The following TMEM132C variants were observed in gnomAD, a reference collection of about 807,000 sequenced individuals.
TMEM132C encodes protein phosphatase 1, regulatory subunit 152.
In TMEM132C, 29 loss-of-function variants were observed where a neutral mutation model predicts 61.4. The observed-to-expected ratio is 0.47, with a 90% CI of 0.35 to 0.64. The LOEUF (loss-of-function observed/expected upper bound fraction) is 0.64. TMEM132C is among the 30% of genes least tolerant of loss of function. The pLI, the probability that TMEM132C is intolerant of heterozygous loss-of-function variation, is 0.00. For missense variants in TMEM132C, 1,408 were observed against 1,476.9 expected, an observed-to-expected ratio of 0.95 and a Z score of 0.76; for synonymous variants, 656 against 633.1, an observed-to-expected ratio of 1.04 and a Z score of -0.54.
In TMEM132C at chr12:128,705,473, C is replaced by G; in HGVS notation, c.2505C>G (p.Gly835=). The G allele has an allele frequency of 6.4e-7, 1 of 1,551,174 alleles. No individual in the cohort carries two copies. The highest frequency in any genetic ancestry group is 1.4e-5 in the African/African-American group (1 of 73,168). Reference sequence around the variant, plus strand: ...AGGGCCAGCACCATGAGCGCACAGGCCAAGATGGGCACCTCTATGGCAGCT... The same window carrying G: ...AGGGCCAGCACCATGAGCGCACAGGGCAAGATGGGCACCTCTATGGCAGCT... ...RQKGQHHERT[G]QDGHLYGSSP... Residue 835 remains glycine (G), a synonymous_variant, in exon 9 of 9, where the codon GGC becomes GGG. Transcript: ENST00000435159.
chr12:128,368,035 T>C (rs1593027396), intron 1 of TMEM132C, among the ~76,000 whole-genome samples: 1 of 152,214 alleles, frequency 6.6e-6, no homozygotes, highest in Non-Finnish European at 1.5e-5. Flanking sequence ...TCTGGCTTTA[T>C]ACATGGCAAC....
At chr12:128,475,438 G>A (rs1046438546) in intron 2 of TMEM132C, among the ~76,000 whole-genome samples, 2 of 152,020 alleles carry the variant, frequency 1.3e-5, no homozygotes, top group South Asian at 2.1e-4. Flanking sequence ...ACTGGCATGC[G>A]GTTGCACTTG....
chr12:128,420,802 G>T (rs1305285313), intron 2 of TMEM132C, among the ~76,000 whole-genome samples: 2 of 152,172 alleles, frequency 1.3e-5, no homozygotes, highest in Non-Finnish European at 2.9e-5. Context: ...GTGATGGAAA[G>T]CCTGTGGGAG....
intron 2 of TMEM132C, among the ~76,000 whole-genome samples, chr12:128,460,764 T>A (rs1870505018): frequency 2.0e-5 from 3 of 152,180 alleles, no homozygotes; most frequent in African/African-American, 4.8e-5. Flanking sequence ...CCTCCTGTCC[T>A]AACCCGCAGG....
intron 3 of TMEM132C, among the ~76,000 whole-genome samples, chr12:128,547,648 CTG>C (rs1002989221): frequency 1.3e-5 from 2 of 151,900 alleles, no homozygotes; most frequent in African/African-American, 4.8e-5. Flanking sequence ...GAAGCTGCAA[CTG>C]TGTTTTCAGA....
chr12:128,282,796 G>C (rs1870940226), intron 1 of TMEM132C, among the ~76,000 whole-genome samples: 1 of 152,134 alleles, frequency 6.6e-6, no homozygotes, highest in Admixed American at 6.5e-5. Context: ...GTTATTTTGT[G>C]ACACGTCTCT....
chr12:128,631,820 A>G lies in TMEM132C; in HGVS notation c.1305+15485A>G, dbSNP rs1284853426. 2.6e-5 allele frequency among the ~76,000 whole-genome samples: 4 copies of G among 152,276 alleles called. No homozygotes were observed. In the South Asian group the frequency reaches 8.3e-4, roughly 32 times the overall value. On this transcript the variant is annotated intron_variant, in intron 4 of 8. Coordinates refer to ENST00000435159, the MANE Select transcript of TMEM132C (RefSeq NM_001136103.3). ...GGCATCCAAGCAATTTCTCATCCCC[A>G]GTAAAAAGTCTGCCTCTTTACCAAG...
intron 1 of TMEM132C, among the ~76,000 whole-genome samples, chr12:128,312,462 C>T (rs1447697553): frequency 1.3e-5 from 2 of 152,144 alleles, no homozygotes; most frequent in Admixed American, 1.3e-4. Flanking sequence ...CCCACCAACA[C>T]ACCTGACTGA....
At chr12:128,458,459 T>C (rs1328078081) in intron 2 of TMEM132C, among the ~76,000 whole-genome samples, 1 of 152,106 alleles carries the variant, frequency 6.6e-6, no homozygotes, top group Non-Finnish European at 1.5e-5. Context: ...GTGAGCAGTT[T>C]AGGGTTGTGT....
Position 128,582,542 on chromosome 12 carries a change from T to C in TMEM132C, c.1122-33610T>C, listed in dbSNP as rs572352274. 2.6e-5 allele frequency among the ~76,000 whole-genome samples: 4 copies of C among 152,056 alleles called. No individual in the cohort carries two copies. The South Asian group carries it at 8.3e-4, about 32-fold the overall frequency. ...ATTCCCATGTGTTGTGGGAGGGACT[T>C]GGTGGGAGATAACTGAATCATGGGG... On this transcript the variant is annotated intron_variant, in intron 3 of 8. Coordinates refer to ENST00000435159, the MANE Select transcript of TMEM132C (RefSeq NM_001136103.3).
chr12:128,471,558 A>G (rs964096278), intron 2 of TMEM132C, among the ~76,000 whole-genome samples: 3 of 152,326 alleles, frequency 2.0e-5, no homozygotes, highest in South Asian at 4.1e-4. Context: ...TATCTTTGCT[A>G]AAGGGGATTA....
rs1351909022 is a variant in TMEM132C at position 128,267,465 on chromosome 12, G to C, written c.63G>C (p.Leu21=). 1.3e-5 allele frequency: 16 copies of C among 1,269,672 alleles called. No homozygotes were observed. Among genetic ancestry groups the C allele is most frequent in the Non-Finnish European group, 1.4e-5 (14 of 1,009,766 alleles). The allele number at this position is 1,269,672 out of a possible 1,614,324, so 78.7% of individuals were successfully genotyped here. A position where few individuals can be genotyped will look rare whatever the true frequency, so the allele number is the denominator to read the frequency against. The part of the protein sequence containing the change: ...AAPLCGALSL[L]LGALLGKVIE... ...CGCTGTGCGGGGCGCTGAGCCTGCT[G>C]CTGGGCGCGCTGCTGGGCAAAGGTA... The change falls in exon 1 of 9, where the codon CTG becomes CTC. Residue 21 remains leucine, a synonymous_variant. Transcript: ENST00000435159.
chr12:128,591,675 C>G (rs1875756360), intron 3 of TMEM132C, among the ~76,000 whole-genome samples: 1 of 152,142 alleles, frequency 6.6e-6, no homozygotes, highest in South Asian at 2.1e-4. Context: ...TGGCTGTCTT[C>G]CAAAGTGGCT....
intron 1 of TMEM132C, among the ~76,000 whole-genome samples, chr12:128,378,812 T>G (rs1874307746): frequency 6.6e-6 from 1 of 152,202 alleles, no homozygotes; most frequent in Non-Finnish European, 1.5e-5. Context: ...ATCCCACGTA[T>G]CGTGGGAGGG....
chr12:128,323,257 C>T (rs1182295110), intron 1 of TMEM132C, among the ~76,000 whole-genome samples: 1 of 152,214 alleles, frequency 6.6e-6, no homozygotes, highest in Non-Finnish European at 1.5e-5. Flanking sequence ...CAGTTAAAAG[C>T]AGCTTAGTTT....
chr12:128,643,142 C>T (rs979699267), intron 4 of TMEM132C, among the ~76,000 whole-genome samples: 1 of 152,068 alleles, frequency 6.6e-6, no homozygotes, highest in African/African-American at 2.4e-5. Flanking sequence ...TTTTTCTTTC[C>T]CCAGAGGCTT....
chr12:128,277,651 G>A (rs529894674), intron 1 of TMEM132C, among the ~76,000 whole-genome samples: 1 of 152,214 alleles, frequency 6.6e-6, no homozygotes, highest in East Asian at 1.9e-4. Context: ...TGTTTCAGAA[G>A]ATGGGGAATG....
intron 1 of TMEM132C, among the ~76,000 whole-genome samples, chr12:128,275,965 C>T (rs563116614): frequency 3.3e-5 from 5 of 152,296 alleles, no homozygotes; most frequent in African/African-American, 9.6e-5. Context: ...GGCAGCATCA[C>T]AGCAATCTTT....
chr12:128,509,648 A>G (rs1872507971), intron 2 of TMEM132C, among the ~76,000 whole-genome samples: 1 of 152,102 alleles, frequency 6.6e-6, no homozygotes. Flanking sequence ...TCATTTTATG[A>G]CCAGCAGCCT....
Sources: allele counts gnomAD v4.1 joint callset (sites outside exome capture counted in the v4.1 genomes callset), GRCh38; gene constraint gnomAD v4.1.1; transcripts MANE v1.5; gene names NCBI Gene and HGNC (gene_info 2026-07-23, HGNC 2026-07-21).